PRAMEF11: variants seen among roughly 807,000 people sequenced by gnomAD.
The protein encoded by PRAMEF11 is PRAME family member 11.
PRAMEF11 carries 17 observed loss-of-function variants against 33.6 expected under a neutral mutation model. That is an observed-to-expected ratio of 0.51 (90% CI 0.35 to 0.76). The LOEUF (loss-of-function observed/expected upper bound fraction) is 0.76. Among genes scored for constraint, PRAMEF11 ranks in the 30% least tolerant of loss-of-function variants. PRAMEF11 has a pLI of 0.01. For missense variants in PRAMEF11, 568 were observed against 567.0 expected, an observed-to-expected ratio of 1.00 and a Z score of -0.02; for synonymous variants, 205 against 227.3, an observed-to-expected ratio of 0.90 and a Z score of 0.88.
In PRAMEF11 at chr1:12,827,469, T is replaced by C. The variant is rs754657212; in HGVS notation, c.655A>G (p.Ile219Val). The C allele has an allele frequency of 2.0e-4, 314 of 1,609,614 alleles. 7 individuals are homozygous for C. The African/African-American group carries it at 2.0e-3, about 10-fold the overall frequency. ...IQEVEVNCKW[I>V]LPILTQFTPY... ...GTAAACTGTGTCAGGATGGGCAGTATCCACTTGCAATTCACTTCCACCTCC... is the reference window on the plus strand; with the variant it reads ...GTAAACTGTGTCAGGATGGGCAGTACCCACTTGCAATTCACTTCCACCTCC... Residue 219 changes from isoleucine (I) to valine (V), a missense_variant, in exon 3 of 4, where the codon ATA (isoleucine) becomes GTA (valine). Ile to Val is a conservative substitution (Grantham distance 29). Transcript: ENST00000619922.
Position 12,830,291 on chromosome 1 carries a change from C to G in PRAMEF11, c.-17+1065G>C, listed in dbSNP as rs1053277230. On this transcript the variant is annotated intron_variant, in intron 1 of 3. Transcript: ENST00000619922. ...CAAAGATCACCTAGGTGGCGTAATT[C>G]TTTTTGGTGTTGAGGGAGCTGAATC... Among the ~76,000 whole-genome samples the G allele has an allele frequency of 7.9e-5, 12 of 151,130 alleles. 1 individual carries two copies. Among genetic ancestry groups the G allele is most frequent in the Admixed American group, 4.6e-4 (7 of 15,088 alleles).
Position 12,828,712 on chromosome 1 carries a change from G to A in PRAMEF11, c.78C>T (p.Ala26=), listed in dbSNP as rs745656859. 201 of 1,603,070 alleles carry A rather than the reference G, an allele frequency of 1.3e-4. 15 individuals are homozygous for A. The highest frequency in any genetic ancestry group is 4.9e-4 in the Admixed American group (29 of 59,052). Residue 26 remains alanine (A), a synonymous_variant, in exon 2 of 4, where the codon GCC becomes GCT. Coordinates refer to ENST00000619922, the MANE Select transcript of PRAMEF11 (RefSeq NM_001146344.3). ...GRSLLRDQAL[A]VSTLEELPTE... ...TGGGCAGCTCCTCCAGGGTGGAGAC[G>A]GCCAAGGCTTGGTCCCTCAGCAGGC...
intron 3 of PRAMEF11, 110 bp downstream of exon 3, chr1:12,827,139 T>G: frequency 1.3e-6 from 2 of 1,571,594 alleles, no homozygotes; most frequent in Admixed American, 1.7e-5. Flanking sequence ...CATTCTAGTG[T>G]CCCCTTCACT....
intron 1 of PRAMEF11, among the ~76,000 whole-genome samples, chr1:12,829,381 A>G (rs1359483741): frequency 1.0e-4 from 13 of 124,424 alleles, no homozygotes; most frequent in Non-Finnish European, 1.8e-4. Flanking sequence ...CCCTTCTCTC[A>G]TTCTCTCTCT....
Position 12,825,170 on chromosome 1 carries a change from G to A in PRAMEF11, c.1209C>T (p.His403=), listed in dbSNP as rs1489122977. ...GGCATAAGTTTTTGAGTATGATTGT[G>A]TGGCTCAGCAGGTTCTCCAGGGTGG... The part of the protein sequence containing the change: ...CMATLENLLS[H]TIILKNLCLE... The change falls in exon 4 of 4, where the codon CAC becomes CAT. Residue 403 remains histidine, a synonymous_variant. Coordinates refer to ENST00000619922, the MANE Select transcript of PRAMEF11 (RefSeq NM_001146344.3). The A allele has an allele frequency of 3.7e-6, 6 of 1,608,750 alleles. No homozygotes were observed. In the South Asian group the frequency reaches 6.6e-5, roughly 18 times the overall value.
In PRAMEF11 at chr1:12,828,671, G is replaced by C. The variant is rs758708685; in HGVS notation, c.119C>G (p.Pro40Arg). The C allele has an allele frequency of 6.2e-7, 1 of 1,610,282 alleles. No homozygotes were observed. Among genetic ancestry groups the C allele is most frequent in the African/African-American group, 1.3e-5 (1 of 74,708 alleles). ...LEELPTELFPPLFMEAFSRRR... is the reference protein window; with the variant it reads ...LEELPTELFPRLFMEAFSRRR... Reference sequence around the variant, plus strand: ...CCTGCTGAAGGCCTCCATGAACAGTGGGGGGAAAAGTTCCGTGGGCAGCTC... The same window carrying C: ...CCTGCTGAAGGCCTCCATGAACAGTCGGGGGAAAAGTTCCGTGGGCAGCTC... The change falls in exon 2 of 4, where the codon CCA (proline) becomes CGA (arginine). Residue 40 changes from proline (P) to arginine (R), a missense_variant. Coordinates refer to ENST00000619922, the MANE Select transcript of PRAMEF11 (RefSeq NM_001146344.3).
In PRAMEF11 at chr1:12,825,508, G is replaced by GGA. The variant is rs746079900; in HGVS notation, c.876-7_876-6dup. The GGA allele has an allele frequency of 5.0e-4, 416 of 832,230 alleles. 7 individuals carry two copies. Among genetic ancestry groups the GGA allele is most frequent in the Admixed American group, 9.5e-4 (32 of 33,734 alleles). 51.6% of individuals were successfully genotyped at this position (832,230 alleles called of 1,614,324 possible). On this transcript the variant is annotated splice_polypyrimidine_tract_variant and splice_region_variant and intron_variant, in intron 3 of 3. Transcript: ENST00000619922. ...TTTAACGAGGTCTTCAGACAGCTGG[G>GGA]GAGAGAGAGCAAGAAGTTAATTCTG...
chr1:12,826,426 CA>C (rs1293901506), intron 3 of PRAMEF11, among the ~76,000 whole-genome samples: 2 of 151,340 alleles, frequency 1.3e-5, no homozygotes, highest in East Asian at 3.9e-4. Context: ...TTCCCCTCTT[CA>C]GTGCCCACTT....
In PRAMEF11 at chr1:12,824,987, G is replaced by A. The variant is rs758547297; in HGVS notation, c.1392C>T (p.Gly464=). The A allele has an allele frequency of 8.1e-6, 13 of 1,609,684 alleles. No individual in the cohort carries two copies. Among genetic ancestry groups the A allele is most frequent in the South Asian group, 2.2e-5 (2 of 90,466 alleles). ...LFCTDNCPDH[G]DRSFYDLEAD... ...CCTCCAGGTCATAAAATGACCTGTC[G>A]CCATGGTCAGGGCAGTTGTCAGTAC... The change falls in exon 4 of 4, where the codon GGC becomes GGT. Residue 464 remains glycine (G), a synonymous_variant. Transcript: ENST00000619922.
In PRAMEF11 at chr1:12,825,821, A is replaced by T. The variant is rs554033306; in HGVS notation, c.876-318T>A. ...AAACCTCGTCTCTACTAAAAATCCA[A>T]AAATTAGCCAGGTGTGGTGGCGGGA... On this transcript the variant is annotated intron_variant, in intron 3 of 3. Coordinates refer to ENST00000619922, the MANE Select transcript of PRAMEF11 (RefSeq NM_001146344.3). Among the ~76,000 whole-genome samples, 71 of 150,784 alleles carry T rather than the reference A, an allele frequency of 4.7e-4. No homozygotes were observed. In the South Asian group the frequency reaches 0.014, roughly 30 times the overall value.
chr1:12,827,898 C>G (rs56225642), intron 2 of PRAMEF11, 68 bp from the exon 3 acceptor site: 17,896 of 1,519,986 alleles, frequency 0.012, 559 homozygotes, highest in South Asian at 0.032. Flanking sequence ...CCACATCCTG[C>G]ATAGCAGCTC....
At chr1:12,830,764 G>C (rs955911263) in intron 1 of PRAMEF11, among the ~76,000 whole-genome samples, 1 of 150,482 alleles carries the variant, frequency 6.6e-6, no homozygotes. Context: ...CAAGGCAGGT[G>C]GATCACTTGA....
At chr1:12,830,269 A>T (rs7418982) in intron 1 of PRAMEF11, among the ~76,000 whole-genome samples, 1 of 151,192 alleles carries the variant, frequency 6.6e-6, no homozygotes, top group African/African-American at 2.4e-5. Context: ...ATATATCCAA[A>T]GATCACCTAG....
rs772284766 is a variant in PRAMEF11, at chr1:12,827,639, A to G, written c.485T>C (p.Leu162Pro). 26 of 1,609,668 alleles carry G rather than the reference A, an allele frequency of 1.6e-5. 1 individual carries two copies. Among genetic ancestry groups the G allele is most frequent in the Non-Finnish European group, 2.2e-5 (26 of 1,177,694 alleles). Reference sequence around the variant, plus strand: ...AAGGAGGCAGGTGAGGTATTCATCCAGAGTCCTGTTCTTGAGCCAAAGTTC... The same window carrying G: ...AAGGAGGCAGGTGAGGTATTCATCCGGAGTCCTGTTCTTGAGCCAAAGTTC... The part of the protein sequence containing the change: ...FVELWLKNRT[L>P]DEYLTCLLLW... Residue 162 changes from leucine (L) to proline (P), a missense_variant, in exon 3 of 4, where the codon CTG becomes CCG. Physicochemically the swap from Leu to Pro is moderately conservative, Grantham distance 98. Around this residue, in one of 3 missense-constraint regions of PRAMEF11, gnomAD observed 342 missense variants for 312.0 expected, o/e 1.10. Transcript: ENST00000619922.
chr1:12,828,490 A>C lies in PRAMEF11; in HGVS notation c.293+7T>G. The C allele has an allele frequency of 6.3e-7, 1 of 1,595,614 alleles. No individual in the cohort carries two copies. The highest frequency in any genetic ancestry group is 8.5e-7 in the Non-Finnish European group (1 of 1,170,082). On this transcript the variant is annotated splice_region_variant and intron_variant, in intron 2 of 3. Transcript: ENST00000619922. ...CCCTCCCCACCAGCCCACCTGGGCC[A>C]CCTCACCTGGGACGAACCCCTTGGG...
At chr1:12,829,429 G>A (rs1371750668) in intron 1 of PRAMEF11, among the ~76,000 whole-genome samples, 1 of 149,200 alleles carries the variant, frequency 6.7e-6, no homozygotes, top group East Asian at 2.0e-4. Flanking sequence ...TTTCTGACAG[G>A]GTCTTGCTGT....
Position 12,828,724 on chromosome 1 carries a change from G to A in PRAMEF11, c.66C>T (p.Asp22=), listed in dbSNP as rs753288186. Residue 22 remains aspartate (D), a synonymous_variant, in exon 2 of 4, where the codon GAC becomes GAT. Transcript: ENST00000619922. ...CCAGGGTGGAGACGGCCAAGGCTTG[G>A]TCCCTCAGCAGGCTCCGCCCCGCAA... The part of the protein sequence containing the change: ...LELAGRSLLR[D]QALAVSTLEE... 1.2e-6 allele frequency: 2 copies of A among 1,610,300 alleles called. No individual in the cohort carries two copies. The highest frequency in any genetic ancestry group is 1.7e-5 in the Admixed American group (1 of 59,776).
In PRAMEF11 at chr1:12,827,939, G is replaced by C. The variant is rs1458199742; in HGVS notation, c.294-109C>G. 32 of 1,567,758 alleles carry C rather than the reference G, an allele frequency of 2.0e-5. 1 individual carries two copies. The South Asian group carries it at 3.7e-4, about 18-fold the overall frequency. ...CTCCCTGCTTGTTGTCCCTCTCTCT[G>C]AGTTTTCTTCACCCTGTTTTCCCCT... On this transcript the variant is annotated intron_variant, in intron 2 of 3. Coordinates refer to ENST00000619922, the MANE Select transcript of PRAMEF11 (RefSeq NM_001146344.3).
In PRAMEF11 at chr1:12,826,635, G is replaced by A. The variant is rs574724275; in HGVS notation, c.875+614C>T. ...AAATTAGCCAGGTGTGGTGGCCCAC[G>A]CCTGTAATCCCAGGTACTCAGGAGG... On this transcript the variant is annotated intron_variant, in intron 3 of 3. Coordinates refer to ENST00000619922, the MANE Select transcript of PRAMEF11 (RefSeq NM_001146344.3). Among the ~76,000 whole-genome samples the A allele has an allele frequency of 6.6e-5, 10 of 151,240 alleles. No homozygotes were observed. The South Asian group carries it at 8.5e-4, about 13-fold the overall frequency.
Sources: allele counts gnomAD v4.1 joint callset (sites outside exome capture counted in the v4.1 genomes callset), GRCh38; gene constraint gnomAD v4.1.1; regional missense constraint gnomAD v4.1.1; transcripts MANE v1.5; gene names NCBI Gene and HGNC (gene_info 2026-07-23, HGNC 2026-07-21).